PRKCB: variants seen among roughly 807,000 people sequenced by gnomAD.
The protein encoded by PRKCB is protein kinase C beta type.
Under a neutral mutation model 81.5 loss-of-function variants are expected in PRKCB, and 13 were observed. That is an observed-to-expected ratio of 0.16 (90% CI 0.10 to 0.25). The LOEUF is 0.25. Ranked by LOEUF, PRKCB falls within the 10% of genes least tolerant of loss-of-function variation. The pLI is 1.00. For synonymous variants in PRKCB, 335 were observed against 321.4 expected (o/e 1.04, Z -0.45); for missense variants, 509 against 875.7 (o/e 0.58, Z 5.29).
At chr16:23,853,547 A>C (rs1184798134) in intron 2 of PRKCB, among the ~76,000 whole-genome samples, 1 of 152,220 alleles carries the variant, frequency 6.6e-6, no homozygotes. Context: ...GGTTTTGATG[A>C]ACTCAGTAAA....
chr16:24,110,132 AGAGGGAGAG>A lies in PRKCB; in HGVS notation c.822-2812_822-2804del, dbSNP rs1234981446. 2.5e-3 allele frequency among the ~76,000 whole-genome samples: 99 copies of A among 39,192 alleles called. 3 individuals are homozygous for A. The South Asian group carries it at 0.044, about 17-fold the overall frequency. The allele number at this position is 39,192 out of a possible 152,430, so 25.7% of individuals were successfully genotyped here. The stretch of plus-strand genomic sequence containing the variant: ...CGTGGGGAGAGGGAGAGGGAGAGGG[AGAGGGAGAG>A]GAGGGAGAGGAGGGAGAGGAGGGAG... On this transcript the variant is annotated intron_variant, in intron 7 of 16. Transcript: ENST00000643927.
chr16:24,137,228 G>T (rs1286345837), intron 9 of PRKCB, among the ~76,000 whole-genome samples: 1 of 151,822 alleles, frequency 6.6e-6, no homozygotes, highest in East Asian at 1.9e-4. Context: ...TGGCTTTGTT[G>T]CCTAGGCTGG....
At chr16:24,004,359 G>A (rs1309637473) in intron 3 of PRKCB, among the ~76,000 whole-genome samples, 1 of 149,924 alleles carries the variant, frequency 6.7e-6, no homozygotes, top group Non-Finnish European at 1.5e-5. Context: ...TCTTAATAAT[G>A]ATATCAAAAG....
intron 16 of PRKCB, among the ~76,000 whole-genome samples, chr16:24,210,692 G>T (rs868550137): frequency 6.6e-6 from 1 of 152,088 alleles, no homozygotes; most frequent in African/African-American, 2.4e-5. Flanking sequence ...TAGAGACGGG[G>T]TTTCACCATG....
At chr16:24,003,496 T>A (rs1057348859) in intron 3 of PRKCB, among the ~76,000 whole-genome samples, 11 of 151,574 alleles carry the variant, frequency 7.3e-5, no homozygotes, top group Admixed American at 2.6e-4. Context: ...GCAATTCTCC[T>A]GCCTCAGCCT....
At chr16:23,858,056 G>C (rs924073150) in intron 2 of PRKCB, among the ~76,000 whole-genome samples, 1 of 152,044 alleles carries the variant, frequency 6.6e-6, no homozygotes, top group African/African-American at 2.4e-5. Context: ...TTAGGATTGT[G>C]TAACTTCAGA....
At chr16:23,842,909 TTGA>T (rs1384431631) in intron 2 of PRKCB, among the ~76,000 whole-genome samples, 1 of 152,060 alleles carries the variant, frequency 6.6e-6, no homozygotes, top group African/African-American at 2.4e-5. Context: ...AAAGCTAGAA[TTGA>T]TGATAATGAG....
At chr16:24,165,981 G>C (rs1276112501) in intron 10 of PRKCB, among the ~76,000 whole-genome samples, 1 of 150,090 alleles carries the variant, frequency 6.7e-6, no homozygotes, top group Admixed American at 6.6e-5. Context: ...CCACATCCTG[G>C]GATCAAGCCA....
chr16:23,954,278 G>A (rs1458902496), intron 2 of PRKCB, among the ~76,000 whole-genome samples: 3 of 152,134 alleles, frequency 2.0e-5, no homozygotes, highest in Non-Finnish European at 4.4e-5. Context: ...GACTGACTTA[G>A]TGGTGTCTAG....
Position 23,875,562 on chromosome 16 carries a change from C to CATATGTATGTATATCACACACAT in PRKCB, c.205+38158_205+38159insATGTATGTATATCACACACATAT, listed in dbSNP as rs10664783. Among the ~76,000 whole-genome samples the CATATGTATGTATATCACACACAT allele has an allele frequency of 3.9e-3, 362 of 91,972 alleles. 1 individual carries two copies. Among genetic ancestry groups the CATATGTATGTATATCACACACAT allele is most frequent in the South Asian group, 0.015 (26 of 1,712 alleles). The allele number at this position is 91,972 out of a possible 152,430, so 60.3% of individuals were successfully genotyped here. A position where few individuals can be genotyped will look rare whatever the true frequency, so the allele number is the denominator to read the frequency against. On this transcript the variant is annotated intron_variant, in intron 2 of 16. Transcript: ENST00000643927. The stretch of plus-strand genomic sequence containing the variant: ...CACACATATGTATGTATATCACACA[C>CATATGTATGTATATCACACACAT]ATGTGTATATCAAACACATATGTAT...
At chr16:23,856,562 C>T (rs1428537147) in intron 2 of PRKCB, among the ~76,000 whole-genome samples, 4 of 148,830 alleles carry the variant, frequency 2.7e-5, no homozygotes, top group Admixed American at 6.7e-5. Flanking sequence ...CTTTGTCTGT[C>T]GCACAGGCTG....
At chr16:24,148,955 A>G (rs1345313942) in intron 9 of PRKCB, among the ~76,000 whole-genome samples, 1 of 152,166 alleles carries the variant, frequency 6.6e-6, no homozygotes, top group East Asian at 1.9e-4. Flanking sequence ...TAGAAGCTTA[A>G]AACAACAGCC....
At chr16:24,036,651 C>T (rs533249870) in intron 5 of PRKCB, among the ~76,000 whole-genome samples, 1 of 152,234 alleles carries the variant, frequency 6.6e-6, no homozygotes, top group Admixed American at 6.5e-5. Context: ...TTCTTTTAAA[C>T]TTGAGATTTC....
rs1192906884 is a variant in PRKCB at position 23,881,965 on chromosome 16, C to CCTTTCTTT, written c.205+44611_205+44618dup. ...GCTGGTTTCTTCCTTTTTTTCTTTT[C>CCTTTCTTT]CTTTCTTTCTTTCTTTCTTTCTTTC... On this transcript the variant is annotated intron_variant, in intron 2 of 16. Transcript: ENST00000643927. Among the ~76,000 whole-genome samples the CCTTTCTTT allele has an allele frequency of 3.5e-3, 244 of 70,138 alleles. 20 individuals are homozygous for CCTTTCTTT. The highest frequency in any genetic ancestry group is 6.6e-3 in the Middle Eastern group (1 of 152). 46.0% of individuals were successfully genotyped at this position (70,138 alleles called of 152,430 possible).
At chr16:24,070,377 G>A (rs530186398) in intron 5 of PRKCB, among the ~76,000 whole-genome samples, 27 of 152,196 alleles carry the variant, frequency 1.8e-4, no homozygotes, top group Non-Finnish European at 3.1e-4. Context: ...TCAAACTCCT[G>A]ACCTCAAGTG....
At chr16:24,063,008 G>A (rs1385027999) in intron 5 of PRKCB, among the ~76,000 whole-genome samples, 1 of 151,862 alleles carries the variant, frequency 6.6e-6, no homozygotes, top group Non-Finnish European at 1.5e-5. Context: ...GAGAAGATGC[G>A]GCATTTCTGT....
intron 16 of PRKCB, among the ~76,000 whole-genome samples, chr16:24,197,158 A>G (rs891994931): frequency 3.3e-5 from 5 of 152,220 alleles, no homozygotes; most frequent in African/African-American, 1.2e-4. Flanking sequence ...CATGGAGCTT[A>G]TATTCTAGGG....
chr16:24,046,059 CT>C, intron 5 of PRKCB, among the ~76,000 whole-genome samples: 1 of 152,256 alleles, frequency 6.6e-6, no homozygotes. Flanking sequence ...GAGCTTCTGG[CT>C]TGAGCCATTT....
intron 2 of PRKCB, among the ~76,000 whole-genome samples, chr16:23,961,124 G>T (rs537846329): frequency 6.6e-6 from 1 of 151,982 alleles, no homozygotes; most frequent in South Asian, 2.1e-4. Flanking sequence ...GCGCAGACTG[G>T]CCTTGGAATC....
Sources: gnomAD v4.1 joint callset for allele counts (sites outside exome capture counted in the v4.1 genomes callset) on GRCh38, gnomAD v4.1.1 for gene constraint, MANE v1.5 for transcripts, NCBI Gene and HGNC (gene_info 2026-07-23, HGNC 2026-07-21) for gene names.